The following EXOC6B variants were observed in gnomAD, a reference collection of about 807,000 sequenced individuals.
EXOC6B encodes the protein exocyst complex component 6B.
In EXOC6B, 54 loss-of-function variants were observed where a neutral mutation model predicts 113.5. The observed-to-expected ratio is 0.48, with a 90% CI of 0.38 to 0.60. EXOC6B has a LOEUF of 0.60. Ranked by LOEUF, EXOC6B falls within the 20% of genes least tolerant of loss-of-function variation. The probability of loss-of-function intolerance (pLI) is 0.00; values close to 1 mark genes in which losing one functional copy is unlikely to be tolerated. For missense variants in EXOC6B, 797 were observed against 977.5 expected (o/e 0.82, Z 2.46); for synonymous variants, 357 against 339.0 (o/e 1.05, Z -0.58).
At chr2:72,805,061 T>C (rs1195049234) in intron 1 of EXOC6B, among the ~76,000 whole-genome samples, 4 of 152,144 alleles carry the variant, frequency 2.6e-5, no homozygotes, top group African/African-American at 9.7e-5. Context: ...GCCTCAAACA[T>C]CTTGAGAAAT....
At chr2:72,281,277 G>A (rs1685112064) in intron 20 of EXOC6B, among the ~76,000 whole-genome samples, 2 of 152,144 alleles carry the variant, frequency 1.3e-5, no homozygotes, top group South Asian at 4.1e-4. Context: ...CTCTAGAAGA[G>A]AATATCCAGG....
chr2:72,659,707 C>G (rs1674865819), intron 6 of EXOC6B, among the ~76,000 whole-genome samples: 2 of 152,090 alleles, frequency 1.3e-5, no homozygotes, highest in Non-Finnish European at 2.9e-5. Context: ...AAGAACACAT[C>G]TTTCCCTATT....
chr2:72,553,037 G>A (rs887605929), intron 8 of EXOC6B, among the ~76,000 whole-genome samples: 5 of 151,538 alleles, frequency 3.3e-5, no homozygotes, highest in East Asian at 3.9e-4. Flanking sequence ...AGAATAATGA[G>A]ATATAGGAAA....
intron 20 of EXOC6B, among the ~76,000 whole-genome samples, chr2:72,334,040 G>A (rs1242019371): frequency 6.6e-6 from 1 of 151,686 alleles, no homozygotes; most frequent in African/African-American, 2.4e-5. Flanking sequence ...CATTATGGCA[G>A]GAGAAACAAA....
At chr2:72,415,527 T>C (rs1172594350) in intron 18 of EXOC6B, among the ~76,000 whole-genome samples, 1 of 152,004 alleles carries the variant, frequency 6.6e-6, no homozygotes, top group Admixed American at 6.6e-5. Context: ...TTTCTTTTTT[T>C]TTTTTTTGAG....
chr2:72,784,846 T>C (rs1402985611), intron 1 of EXOC6B, among the ~76,000 whole-genome samples: 1 of 152,136 alleles, frequency 6.6e-6, no homozygotes, highest in Non-Finnish European at 1.5e-5. Context: ...CAATTATTCC[T>C]TCCCAACAGT....
chr2:72,403,139 T>C (rs1000651799), intron 18 of EXOC6B, among the ~76,000 whole-genome samples: 1 of 152,230 alleles, frequency 6.6e-6, no homozygotes, highest in Non-Finnish European at 1.5e-5. Flanking sequence ...TCTGAGTGTA[T>C]TGCACTTAGC....
intron 20 of EXOC6B, among the ~76,000 whole-genome samples, chr2:72,203,367 TC>T (rs1679614301): frequency 6.6e-6 from 1 of 152,212 alleles, no homozygotes; most frequent in South Asian, 2.1e-4. Flanking sequence ...AGAACAAGGA[TC>T]TTTTTCTGTG....
Position 72,592,675 on chromosome 2 carries a change from T to A in EXOC6B, c.670-17007A>T, listed in dbSNP as rs185049073. Reference sequence around the variant, plus strand: ...GATATAATAAGAAATATATATTTGGTCTTCATCCCCACTGCCCAGCACAGA... The same window carrying A: ...GATATAATAAGAAATATATATTTGGACTTCATCCCCACTGCCCAGCACAGA... On this transcript the variant is annotated intron_variant, in intron 6 of 21. Transcript: ENST00000272427. Among the ~76,000 whole-genome samples, 6 of 152,266 alleles carry A rather than the reference T, an allele frequency of 3.9e-5. No homozygotes were observed. The East Asian group carries it at 1.2e-3, about 29-fold the overall frequency.
chr2:72,365,762 G>T (rs1301981306), intron 19 of EXOC6B, among the ~76,000 whole-genome samples: 1 of 152,090 alleles, frequency 6.6e-6, no homozygotes, highest in African/African-American at 2.4e-5. Context: ...AAAAGGAAAA[G>T]AATCTGTGAA....
chr2:72,266,640 C>T (rs1261948139), intron 20 of EXOC6B, among the ~76,000 whole-genome samples: 4 of 152,038 alleles, frequency 2.6e-5, no homozygotes, highest in Non-Finnish European at 5.9e-5. Context: ...CAGTACCATG[C>T]TGTTTTGGTT....
At chr2:72,690,603 C>T (rs1481531516) in intron 6 of EXOC6B, among the ~76,000 whole-genome samples, 2 of 152,146 alleles carry the variant, frequency 1.3e-5, no homozygotes, top group African/African-American at 2.4e-5. Context: ...CTAAGCAATT[C>T]TAAGCAATTC....
intron 6 of EXOC6B, among the ~76,000 whole-genome samples, chr2:72,716,945 A>G (rs1420793522): frequency 1.3e-5 from 2 of 152,188 alleles, no homozygotes; most frequent in Non-Finnish European, 2.9e-5. Context: ...ACCAATCACA[A>G]TAAAGACTTA....
At chr2:72,766,885 C>T (rs1683092725) in intron 1 of EXOC6B, among the ~76,000 whole-genome samples, 1 of 136,282 alleles carries the variant, frequency 7.3e-6, no homozygotes, top group Middle Eastern at 4.3e-3. Flanking sequence ...AACCGGGAGG[C>T]AGAGGTTGCA....
intron 18 of EXOC6B, among the ~76,000 whole-genome samples, chr2:72,433,661 T>C (rs1695679368): frequency 6.6e-6 from 1 of 152,316 alleles, no homozygotes; most frequent in African/African-American, 2.4e-5. Flanking sequence ...TTATTCTCTT[T>C]GTAGCAATTG....
intron 8 of EXOC6B, among the ~76,000 whole-genome samples, chr2:72,519,082 C>T (rs1230319140): frequency 6.6e-6 from 1 of 152,086 alleles, no homozygotes; most frequent in Non-Finnish European, 1.5e-5. Flanking sequence ...TGCCTACTTG[C>T]TAAAATTTAT....
intron 6 of EXOC6B, among the ~76,000 whole-genome samples, chr2:72,669,502 C>T (rs1675638932): frequency 6.6e-6 from 1 of 152,040 alleles, no homozygotes; most frequent in South Asian, 2.1e-4. Flanking sequence ...CATATCATTA[C>T]CATCAATATC....
intron 1 of EXOC6B, among the ~76,000 whole-genome samples, chr2:72,808,131 CA>C (rs1685682156): frequency 6.6e-6 from 1 of 151,868 alleles, no homozygotes; most frequent in South Asian, 2.1e-4. Flanking sequence ...GATTTAACAA[CA>C]ACAACAAAAC....
At chr2:72,626,232 CTCTT>C (rs1239515500) in intron 6 of EXOC6B, among the ~76,000 whole-genome samples, 1 of 152,094 alleles carries the variant, frequency 6.6e-6, no homozygotes, top group Non-Finnish European at 1.5e-5. Context: ...AAGTGAAAGG[CTCTT>C]TCAGCATTCA....
Sources: gnomAD v4.1 joint callset for allele counts (sites outside exome capture counted in the v4.1 genomes callset) on GRCh38, gnomAD v4.1.1 for gene constraint, MANE v1.5 for transcripts, NCBI Gene and HGNC (gene_info 2026-07-23, HGNC 2026-07-21) for gene names.